Variants in PFKFB2 observed in about 807,000 individuals in gnomAD.
The protein encoded by PFKFB2 is 6-phosphofructo-2-kinase/fructose-2,6-biphosphatase 2.
Under a neutral mutation model 68.0 loss-of-function variants are expected in PFKFB2, and 53 were observed. That is an observed-to-expected ratio of 0.78 (90% CI 0.63 to 0.98). The LOEUF is 0.98. Ranked by LOEUF, PFKFB2 falls within the 50% of genes least tolerant of loss-of-function variation. PFKFB2 has a pLI of 0.00. For missense variants in PFKFB2, 451 were observed against 642.0 expected, an observed-to-expected ratio of 0.70 and a Z score of 3.22; for synonymous variants, 222 against 227.6, an observed-to-expected ratio of 0.98 and a Z score of 0.22.
At chr1:207,064,686 G>T (rs1379321463) in intron 7 of PFKFB2, among the ~76,000 whole-genome samples, 1 of 152,210 alleles carries the variant, frequency 6.6e-6, no homozygotes, top group Non-Finnish European at 1.5e-5. Flanking sequence ...AGGCACTGGG[G>T]TCATGCACCC....
chr1:207,048,420 A>C (rs757591202), upstream of PFKFB2: 1 of 153,634 alleles, frequency 6.5e-6, no homozygotes, highest in African/African-American at 2.4e-5. Context: ...TTGCAATATA[A>C]AATCAGTTTG....
intron 2 of PFKFB2, among the ~76,000 whole-genome samples, chr1:207,060,692 C>G (rs1339026645): frequency 6.6e-6 from 1 of 152,154 alleles, no homozygotes; most frequent in African/African-American, 2.4e-5. Context: ...GGAGCCAGCT[C>G]AGTTCTGCAC....
At chr1:207,044,612 G>T (rs921856979) in intron 2 of PFKFB2, 1 of 152,232 alleles carries the variant, frequency 6.6e-6, no homozygotes, top group Admixed American at 6.6e-5. Context: ...ATGGCAAAAT[G>T]CTTATAATTC....
In PFKFB2 at chr1:207,063,117, G is replaced by C; in HGVS notation, c.309-26G>C. ...TGACTGTTTGAGCTTAGCTCTCCTT[G>C]CTGGTTTCATTTGCTCTTATGGCAG... On this transcript the variant is annotated intron_variant, in intron 4 of 14. Transcript: ENST00000367080. The surrounding 1 kb of genome is among the most constrained non-coding windows in gnomAD (Gnocchi z 4.1). 6.2e-7 allele frequency: 1 copy of C among 1,602,972 alleles called. No individual in the cohort carries two copies. Among genetic ancestry groups the C allele is most frequent in the Non-Finnish European group, 8.5e-7 (1 of 1,170,118 alleles).
intron 2 of PFKFB2, among the ~76,000 whole-genome samples, chr1:207,056,268 T>C (rs527366996): frequency 3.9e-5 from 6 of 152,022 alleles, no homozygotes; most frequent in Non-Finnish European, 7.4e-5. Flanking sequence ...CATACTCAAA[T>C]GCTGTATTGG....
intron 4 of PFKFB2, 46 bp downstream of exon 4, chr1:207,062,762 C>G: frequency 7.1e-6 from 11 of 1,559,748 alleles, no homozygotes; most frequent in Non-Finnish European, 9.7e-6. Context: ...TCTTTCTTGG[C>G]CGTCATGAGA....
chr1:207,067,784 C>T, intron 9 of PFKFB2, 78 bp downstream of exon 9: 3 of 1,203,412 alleles, frequency 2.5e-6, no homozygotes, highest in Non-Finnish European at 3.6e-6. Flanking sequence ...ATTTTATCTC[C>T]TTACTTAAAT....
chr1:207,079,621 T>G (rs538651912), downstream of PFKFB2: 1 of 152,800 alleles, frequency 6.5e-6, no homozygotes, highest in East Asian at 1.9e-4. Flanking sequence ...AGAGAAGTTT[T>G]TCTTGTTCCA....
Position 207,072,600 on chromosome 1 carries a change from T to C in PFKFB2, c.*229T>C. ...TTTCACCCAGGGGCAAGTTAGCAAA[T>C]TGAGTCTTTTAGGACAGATTCTCAG... On this transcript the variant is annotated 3_prime_UTR_variant, in exon 15 of 15. Coordinates refer to ENST00000367080, the MANE Select transcript of PFKFB2 (RefSeq NM_006212.2). 3.8e-6 allele frequency: 5 copies of C among 1,322,470 alleles called. No individual in the cohort carries two copies. Among genetic ancestry groups the C allele is most frequent in the Non-Finnish European group, 2.9e-6 (3 of 1,036,388 alleles). 81.9% of individuals were successfully genotyped at this position (1,322,470 alleles called of 1,614,324 possible).
intron 2 of PFKFB2, 108 bp from the exon 3 acceptor site, chr1:207,061,845 G>T: frequency 1.1e-6 from 1 of 938,604 alleles, no homozygotes; most frequent in Non-Finnish European, 1.7e-6. Context: ...TCACGCCACT[G>T]TACTCCAGCC....
At chr1:207,042,590 C>T (rs1223723879) in intron 2 of PFKFB2, among the ~76,000 whole-genome samples, 2 of 112,494 alleles carry the variant, frequency 1.8e-5, no homozygotes, top group East Asian at 5.5e-4. Flanking sequence ...AAGACTATTG[C>T]TTCCTTTTTC....
At chr1:207,049,477 T>C (rs370833416), upstream of PFKFB2, 6 of 1,614,104 alleles carry the variant, frequency 3.7e-6, no homozygotes, top group South Asian at 1.1e-5. Flanking sequence ...TGCCTCACTA[T>C]AGAAGTCTGG....
Position 207,070,433 on chromosome 1 carries a change from A to T in PFKFB2, c.1222+24A>T. On this transcript the variant is annotated intron_variant, in intron 12 of 14. Coordinates refer to ENST00000367080, the MANE Select transcript of PFKFB2 (RefSeq NM_006212.2). This position sits in a 1 kb window ranked among gnomAD's most constrained non-coding sequence, Gnocchi z 4.2. ...AGGTGCCTTTGAGGGAGGGGCTGGGAGACACATCCAGTGGGAGAGGGCTGG... is the reference window on the plus strand; with the variant it reads ...AGGTGCCTTTGAGGGAGGGGCTGGGTGACACATCCAGTGGGAGAGGGCTGG... The T allele has an allele frequency of 3.7e-6, 6 of 1,611,178 alleles. No individual in the cohort carries two copies. Among genetic ancestry groups the T allele is most frequent in the Non-Finnish European group, 5.1e-6 (6 of 1,178,350 alleles).
rs1683554840 is a variant in PFKFB2 at position 207,074,170 on chromosome 1, C to A, written c.*1799C>A. ...TGATTCATAGCTCGGGTTAAGAACT[C>A]CACCTTAGGAAGTTAGGTGGAAAAA... On this transcript the variant is annotated 3_prime_UTR_variant, in exon 15 of 15. Transcript: ENST00000367080. 17 of 984,762 alleles carry A rather than the reference C, an allele frequency of 1.7e-5. No homozygotes were observed. The highest frequency in any genetic ancestry group is 1.9e-5 in the Non-Finnish European group (16 of 829,476). The allele number at this position is 984,762 out of a possible 1,614,324, so 61.0% of individuals were successfully genotyped here.
rs750314051 is a variant in PFKFB2, at chr1:207,063,328, T to C, written c.376-19T>C. On this transcript the variant is annotated intron_variant, in intron 5 of 14. Coordinates refer to ENST00000367080, the MANE Select transcript of PFKFB2 (RefSeq NM_006212.2). This position sits in a 1 kb window ranked among gnomAD's most constrained non-coding sequence, Gnocchi z 4.1. ...GTTTCTCTGTTCCTGCTCATTTACC[T>C]TGTGTACTTTCTTCACAGGTGTTTG... 6.2e-7 allele frequency: 1 copy of C among 1,606,374 alleles called. No individual in the cohort carries two copies. The highest frequency in any genetic ancestry group is 8.5e-7 in the Non-Finnish European group (1 of 1,172,858).
chr1:207,052,259 A>T, upstream of PFKFB2: 1 of 1,582,774 alleles, frequency 6.3e-7, no homozygotes, highest in South Asian at 1.1e-5. Context: ...TCATGACTCA[A>T]TTTTTTTTTG....
chr1:207,050,525 C>T (rs957925022), upstream of PFKFB2, among the ~76,000 whole-genome samples: 1 of 152,196 alleles, frequency 6.6e-6, no homozygotes, highest in African/African-American at 2.4e-5. Context: ...GACACTTGCC[C>T]TGGCCCCCGT....
chr1:207,079,046 T>A, downstream of PFKFB2: 2 of 1,576,244 alleles, frequency 1.3e-6, no homozygotes, highest in Non-Finnish European at 1.7e-6. Flanking sequence ...GCCTCACCTC[T>A]CCAAACGACT....
upstream of PFKFB2, chr1:207,048,755 T>G (rs879356428): frequency 2.4e-6 from 1 of 425,384 alleles, no homozygotes; most frequent in African/African-American, 2.0e-5. Flanking sequence ...TTCAGGTCAG[T>G]GTCAGTAGGT....
Sources: gnomAD v4.1 joint callset for allele counts (sites outside exome capture counted in the v4.1 genomes callset) on GRCh38, gnomAD v4.1.1 for gene constraint, Gnocchi (gnomAD v3.1) non-coding constraint, MANE v1.5 for transcripts, NCBI Gene and HGNC (gene_info 2026-07-23, HGNC 2026-07-21) for gene names.